RMND5A: variants seen among roughly 807,000 people sequenced by gnomAD.
RMND5A encodes the protein required for meiotic nuclear division 5 homolog A.
In RMND5A, 17 loss-of-function variants were observed where a neutral mutation model predicts 49.7. That is an observed-to-expected ratio of 0.34 (90% CI 0.23 to 0.51). RMND5A has a LOEUF of 0.51. Ranked by LOEUF, RMND5A falls within the 20% of genes least tolerant of loss-of-function variation. The pLI, the probability that RMND5A is intolerant of heterozygous loss-of-function variation, is 0.96. For synonymous variants in RMND5A, 156 were observed against 167.7 expected (o/e 0.93, Z 0.54); for missense variants, 255 against 471.3 (o/e 0.54, Z 4.25).
At chr2:86,751,555 T>A (rs750353080) in intron 2 of RMND5A, among the ~76,000 whole-genome samples, 8 of 152,226 alleles carry the variant, frequency 5.3e-5, no homozygotes, top group Non-Finnish European at 1.2e-4. Flanking sequence ...TTATAGACAG[T>A]GCTGCAGTGG....
At chr2:86,745,718 C>T (rs1007144200) in intron 2 of RMND5A, among the ~76,000 whole-genome samples, 4 of 152,142 alleles carry the variant, frequency 2.6e-5, no homozygotes, top group African/African-American at 7.2e-5. Context: ...TGAGTGTTGA[C>T]CATGTTCCAG....
intron 7 of RMND5A, among the ~76,000 whole-genome samples, chr2:86,770,982 C>T (rs751660447): frequency 2.0e-5 from 3 of 152,168 alleles, no homozygotes; most frequent in Non-Finnish European, 2.9e-5. Flanking sequence ...CACCTGTACA[C>T]GGGTTTATTT....
At chr2:86,727,753 C>T (rs1330139080) in intron 1 of RMND5A, among the ~76,000 whole-genome samples, 1 of 66,194 alleles carries the variant, frequency 1.5e-5, no homozygotes, top group African/African-American at 5.4e-5. Context: ...TCTAACTGGA[C>T]GTTTCCTTGA....
At chr2:86,766,579 G>T (rs1454345880) in intron 6 of RMND5A, among the ~76,000 whole-genome samples, 1 of 148,292 alleles carries the variant, frequency 6.7e-6, no homozygotes, top group African/African-American at 2.5e-5. Flanking sequence ...CAGAAGAATC[G>T]CTTGAACCCA....
chr2:86,745,050 T>C (rs1248318450), intron 2 of RMND5A, among the ~76,000 whole-genome samples: 1 of 152,106 alleles, frequency 6.6e-6, no homozygotes, highest in African/African-American at 2.4e-5. Flanking sequence ...GGGCTGTTCT[T>C]GATTTCCTCT....
At chr2:86,760,963 GAAGTGT>G (rs1558725074) in intron 4 of RMND5A, among the ~76,000 whole-genome samples, 2 of 121,286 alleles carry the variant, frequency 1.6e-5, no homozygotes, top group Non-Finnish European at 1.7e-5. Flanking sequence ...TTGAGAGAGA[GAAGTGT>G]GTGTGTGTGT....
At chr2:86,755,537 G>GT (rs769160580) in intron 4 of RMND5A, among the ~76,000 whole-genome samples, 5 of 152,236 alleles carry the variant, frequency 3.3e-5, no homozygotes, top group Non-Finnish European at 2.9e-5. Context: ...CGTTTCTTAG[G>GT]TTTTTTCATT....
At chr2:86,766,045 T>C (rs1672586074) in intron 6 of RMND5A, 21 bp downstream of exon 6, 1 of 1,605,582 alleles carries the variant, frequency 6.2e-7, no homozygotes, top group Non-Finnish European at 8.5e-7. Flanking sequence ...TAGCCCTGTC[T>C]GTTATTGAAG....
intron 2 of RMND5A, among the ~76,000 whole-genome samples, chr2:86,750,931 T>C (rs1334139438): frequency 6.6e-6 from 1 of 152,184 alleles, no homozygotes; most frequent in Non-Finnish European, 1.5e-5. Flanking sequence ...GTCTCTCCCT[T>C]TGTTTCAAGA....
chr2:86,743,903 G>A (rs1348296580), intron 2 of RMND5A, among the ~76,000 whole-genome samples: 1 of 151,520 alleles, frequency 6.6e-6, no homozygotes, highest in Non-Finnish European at 1.5e-5. Context: ...GCTTGAACCT[G>A]GGAGGCGGAG....
At chr2:86,758,606 G>T (rs1681788728) in intron 4 of RMND5A, among the ~76,000 whole-genome samples, 1 of 151,898 alleles carries the variant, frequency 6.6e-6, no homozygotes, top group Admixed American at 6.6e-5. Flanking sequence ...ATGTAAAAGG[G>T]TGTGTGTGTG....
chr2:86,773,520 G>C lies in RMND5A; in HGVS notation c.*109G>C. 2.9e-6 allele frequency: 2 copies of C among 700,402 alleles called. No individual in the cohort carries two copies. Among genetic ancestry groups the C allele is most frequent in the Non-Finnish European group, 5.1e-6 (2 of 393,976 alleles). The allele number at this position is 700,402 out of a possible 1,614,324, so 43.4% of individuals were successfully genotyped here. A position where few individuals can be genotyped will look rare whatever the true frequency, so the allele number is the denominator to read the frequency against. ...ACCAAGGACTCCTGTGTTTCTATAA[G>C]CTAATGCTCCAGAAACTTTGCCAAC... On this transcript the variant is annotated 3_prime_UTR_variant, in exon 9 of 9. Coordinates refer to ENST00000283632, the MANE Select transcript of RMND5A (RefSeq NM_022780.4).
intron 6 of RMND5A, among the ~76,000 whole-genome samples, chr2:86,766,724 A>C (rs527864562): frequency 1.8e-4 from 27 of 151,830 alleles, no homozygotes; most frequent in African/African-American, 4.6e-4. Flanking sequence ...GTGGTGGCTC[A>C]CATCTGTAAT....
chr2:86,754,257 G>A (rs1276784172), intron 4 of RMND5A, among the ~76,000 whole-genome samples: 2 of 152,212 alleles, frequency 1.3e-5, no homozygotes, highest in African/African-American at 4.8e-5. Flanking sequence ...AAAACAGGCA[G>A]CAAGCTGTAT....
intron 6 of RMND5A, among the ~76,000 whole-genome samples, chr2:86,767,378 T>C (rs1484348013): frequency 1.1e-4 from 16 of 152,122 alleles, no homozygotes; most frequent in Non-Finnish European, 5.9e-5. Flanking sequence ...TAGTTTTTAC[T>C]TGGAAGAATC....
At position 86,776,952 on chromosome 2, in the gene RMND5A, G is replaced by C. The variant is rs1244939363; in HGVS notation, c.*3541G>C. 2.0e-5 allele frequency: 3 copies of C among 152,190 alleles called. No homozygotes were observed. Among genetic ancestry groups the C allele is most frequent in the African/African-American group, 7.2e-5 (3 of 41,436 alleles). The allele number at this position is 152,190 out of a possible 1,614,324, so 9.4% of individuals were successfully genotyped here. ...AGCCTGTCTAGGTGTGGCAGGTTTTGTGTGGTACACTGATGTTTACCATAA... is the reference window on the plus strand; with the variant it reads ...AGCCTGTCTAGGTGTGGCAGGTTTTCTGTGGTACACTGATGTTTACCATAA... On this transcript the variant is annotated 3_prime_UTR_variant, in exon 9 of 9. Transcript: ENST00000283632.
chr2:86,728,183 G>T (rs112793803), intron 1 of RMND5A, among the ~76,000 whole-genome samples: 4,062 of 80,140 alleles, frequency 0.051, 925 homozygotes, highest in African/African-American at 0.18. Context: ...CATGGCCCTG[G>T]TCCTCCAGGA....
intron 4 of RMND5A, among the ~76,000 whole-genome samples, chr2:86,759,487 T>G (rs943163087): frequency 1.3e-4 from 20 of 152,142 alleles, no homozygotes; most frequent in Admixed American, 1.2e-3. Flanking sequence ...TGGGGTTCAG[T>G]GTTTCTCTAA....
chr2:86,752,126 G>A, intron 3 of RMND5A, 96 bp downstream of exon 3: 4 of 1,035,862 alleles, frequency 3.9e-6, no homozygotes, highest in Non-Finnish European at 4.1e-6. Flanking sequence ...TCTTCCTCTA[G>A]CTATAGATAG....
Sources: allele counts gnomAD v4.1 joint callset (sites outside exome capture counted in the v4.1 genomes callset), GRCh38; gene constraint gnomAD v4.1.1; transcripts MANE v1.5; gene names NCBI Gene and HGNC (gene_info 2026-07-23, HGNC 2026-07-21).